The following CCSER1 variants were observed in gnomAD, a reference collection of about 807,000 sequenced individuals.
CCSER1 encodes the protein coiled-coil serine rich protein 1.
CCSER1 carries 41 observed loss-of-function variants against 82.0 expected under a neutral mutation model. That is an observed-to-expected ratio of 0.50 (90% CI 0.39 to 0.65). CCSER1 has a LOEUF of 0.65. Among genes scored for constraint, CCSER1 ranks in the 30% least tolerant of loss-of-function variants. The probability of loss-of-function intolerance (pLI) is 0.00; values close to 1 mark genes in which losing one functional copy is unlikely to be tolerated. For synonymous variants in CCSER1, 414 were observed against 383.9 expected, an observed-to-expected ratio of 1.08 and a Z score of -0.92; for missense variants, 1,119 against 1,064.2, an observed-to-expected ratio of 1.05 and a Z score of -0.72.
intron 3 of CCSER1, chr4:90,370,025 C>T (rs935053672): frequency 1.3e-5 from 2 of 152,078 alleles, no homozygotes; most frequent in African/African-American, 4.8e-5. Flanking sequence ...AAACCTTACT[C>T]AAAGAAGCAC....
intron 3 of CCSER1, among the ~76,000 whole-genome samples, chr4:90,397,639 CAG>C (rs1325199905): frequency 2.6e-5 from 4 of 152,156 alleles, no homozygotes; most frequent in African/African-American, 7.2e-5. Flanking sequence ...TATCACCAGA[CAG>C]AGACTTTTTT....
Position 91,525,847 on chromosome 4 carries a change from G to A in CCSER1, c.2218-72725G>A, listed in dbSNP as rs553296774. 3.9e-5 allele frequency among the ~76,000 whole-genome samples: 6 copies of A among 152,252 alleles called. 1 individual carries two copies. The highest frequency in any genetic ancestry group is 1.4e-4 in the African/African-American group (6 of 41,548). ...GCCCCACCCTGCCAACCACCTAAGT[G>A]GAATTCCTCCTCAGCTAGGGATATT... On this transcript the variant is annotated intron_variant, in intron 10 of 10. Coordinates refer to ENST00000509176, the MANE Select transcript of CCSER1 (RefSeq NM_001145065.2).
chr4:90,551,338 C>T (rs748474231), intron 5 of CCSER1, among the ~76,000 whole-genome samples: 1 of 151,922 alleles, frequency 6.6e-6, no homozygotes, highest in Non-Finnish European at 1.5e-5. Flanking sequence ...AGTTTTTCTC[C>T]CTCATATTTC....
rs1017797073 is a variant in CCSER1 at position 90,130,052 on chromosome 4, C to A, written c.-42+2221C>A. Among the ~76,000 whole-genome samples, 52 of 152,066 alleles carry A rather than the reference C, an allele frequency of 3.4e-4. 1 individual carries two copies. Among genetic ancestry groups the A allele is most frequent in the African/African-American group, 1.1e-3 (46 of 41,458 alleles). On this transcript the variant is annotated intron_variant, in intron 1 of 10. Coordinates refer to ENST00000509176, the MANE Select transcript of CCSER1 (RefSeq NM_001145065.2). ...TATTTTAAAGATACATTATTTATACCATAGAATGTTAATTTAGATAAAACA... is the reference window on the plus strand; with the variant it reads ...TATTTTAAAGATACATTATTTATACAATAGAATGTTAATTTAGATAAAACA...
At chr4:90,517,784 C>T (rs1417669491) in intron 5 of CCSER1, among the ~76,000 whole-genome samples, 1 of 152,110 alleles carries the variant, frequency 6.6e-6, no homozygotes, top group South Asian at 2.1e-4. Flanking sequence ...TAGGACTAAG[C>T]TCGCACTTGT....
chr4:90,641,803 C>G lies in CCSER1; in HGVS notation c.1932+13571C>G, dbSNP rs755378309. 4.6e-4 allele frequency: 87 copies of G among 188,558 alleles called. 1 individual carries two copies. The highest frequency in any genetic ancestry group is 9.8e-4 in the South Asian group (11 of 11,272). The allele number at this position is 188,558 out of a possible 1,614,324, so 11.7% of individuals were successfully genotyped here. ...ATTTGATTGCTTATAAGAAAACGAA[C>G]TGCAACCCACAGTTTTAACAATAAT... On this transcript the variant is annotated intron_variant, in intron 6 of 10. Coordinates refer to ENST00000509176, the MANE Select transcript of CCSER1 (RefSeq NM_001145065.2).
rs559631979 is a variant in CCSER1, at chr4:91,086,464, TAG to T, written c.2217+471_2217+472del. 7.8e-3 allele frequency among the ~76,000 whole-genome samples: 1,194 copies of T among 152,228 alleles called. 11 individuals are homozygous for T. Among genetic ancestry groups the T allele is most frequent in the African/African-American group, 0.027 (1,108 of 41,576 alleles). ...GAGTATGAAGTTGCTCTGGTAAAGC[TAG>T]TAATTTTAAAACTAACTGAATGTGA... On this transcript the variant is annotated intron_variant, in intron 10 of 10. Coordinates refer to ENST00000509176, the MANE Select transcript of CCSER1 (RefSeq NM_001145065.2).
At chr4:90,442,235 T>TA (rs1759991829) in intron 4 of CCSER1, among the ~76,000 whole-genome samples, 1 of 152,098 alleles carries the variant, frequency 6.6e-6, no homozygotes, top group African/African-American at 2.4e-5. Context: ...TCAGACTTAA[T>TA]ACAGGATCTC....
chr4:90,309,665 T>G, intron 2 of CCSER1, 57 bp downstream of exon 2: 1 of 1,315,504 alleles, frequency 7.6e-7, no homozygotes, highest in Non-Finnish European at 1.0e-6. Flanking sequence ...TTATACTTTA[T>G]TCAGTTTTCT....
intron 9 of CCSER1, among the ~76,000 whole-genome samples, chr4:90,954,269 G>T (rs1027527016): frequency 1.3e-5 from 2 of 151,934 alleles, no homozygotes; most frequent in Non-Finnish European, 2.9e-5. Flanking sequence ...AAAGTAAAAA[G>T]ATTCTGTAAT....
intron 10 of CCSER1, among the ~76,000 whole-genome samples, chr4:91,350,587 A>G (rs1450488574): frequency 6.6e-6 from 1 of 152,094 alleles, no homozygotes; most frequent in Non-Finnish European, 1.5e-5. Flanking sequence ...TATATTGAAG[A>G]GATTAATTTG....
At chr4:91,593,800 G>A (rs1015003945) in intron 10 of CCSER1, among the ~76,000 whole-genome samples, 1 of 152,112 alleles carries the variant, frequency 6.6e-6, no homozygotes, top group Non-Finnish European at 1.5e-5. Context: ...GGATCACACA[G>A]GCTGAAATAA....
chr4:90,599,004 C>A (rs115878277), intron 5 of CCSER1, among the ~76,000 whole-genome samples: 1 of 152,090 alleles, frequency 6.6e-6, no homozygotes, highest in African/African-American at 2.4e-5. Context: ...GGGTTCAGAA[C>A]GTGATAGTGC....
At chr4:91,295,192 A>G (rs1417580673) in intron 10 of CCSER1, among the ~76,000 whole-genome samples, 1 of 152,120 alleles carries the variant, frequency 6.6e-6, no homozygotes, top group Non-Finnish European at 1.5e-5. Context: ...TATGACCAAT[A>G]CTACCTTTTT....
At chr4:91,187,014 C>T (rs1293616778) in intron 10 of CCSER1, among the ~76,000 whole-genome samples, 1 of 152,184 alleles carries the variant, frequency 6.6e-6, no homozygotes, top group Non-Finnish European at 1.5e-5. Flanking sequence ...TTTTGGGGGG[C>T]CTGCTCCCAA....
chr4:90,463,185 A>C (rs190203700), intron 4 of CCSER1, among the ~76,000 whole-genome samples: 1 of 152,340 alleles, frequency 6.6e-6, no homozygotes, highest in Admixed American at 6.5e-5. Flanking sequence ...TGGTTGTAAA[A>C]CCAGGCTGCT....
chr4:90,694,695 A>G (rs1347790638), intron 6 of CCSER1, among the ~76,000 whole-genome samples: 1 of 151,968 alleles, frequency 6.6e-6, no homozygotes, highest in Non-Finnish European at 1.5e-5. Context: ...CAGTCTTATA[A>G]AGAATGAGAA....
intron 9 of CCSER1, among the ~76,000 whole-genome samples, chr4:91,049,132 A>C (rs945676744): frequency 4.6e-5 from 7 of 152,214 alleles, no homozygotes; most frequent in African/African-American, 1.7e-4. Flanking sequence ...ATATTTATCC[A>C]TTTAATAAAC....
intron 10 of CCSER1, among the ~76,000 whole-genome samples, chr4:91,174,180 C>T (rs1018722562): frequency 3.3e-5 from 5 of 152,118 alleles, no homozygotes; most frequent in Admixed American, 6.5e-5. Context: ...AGAGTTAAAT[C>T]AACTGACAGC....
Sources: allele counts gnomAD v4.1 joint callset (sites outside exome capture counted in the v4.1 genomes callset), GRCh38; gene constraint gnomAD v4.1.1; transcripts MANE v1.5; gene names NCBI Gene and HGNC (gene_info 2026-07-23, HGNC 2026-07-21).